Variants in HMGCLL1 observed in about 807,000 individuals in gnomAD.
HMGCLL1 encodes 3-hydroxymethyl-3-methylglutaryl-CoA lyase, cytoplasmic.
In HMGCLL1, 36 loss-of-function variants were observed where a neutral mutation model predicts 39.1. The observed-to-expected ratio is 0.92, with a 90% CI of 0.71 to 1.22. HMGCLL1 has a LOEUF of 1.22. Among genes scored for constraint, HMGCLL1 ranks in the 50% most tolerant of loss-of-function variants. The pLI is 0.00. For synonymous variants in HMGCLL1, 149 were observed against 144.0 expected (o/e 1.03, Z -0.25); for missense variants, 451 against 416.5 (o/e 1.08, Z -0.72).
intron 1 of HMGCLL1, among the ~76,000 whole-genome samples, chr6:55,568,173 T>G (rs749350352): frequency 6.6e-6 from 1 of 152,200 alleles, no homozygotes; most frequent in Non-Finnish European, 1.5e-5. Context: ...AAAATTGGCT[T>G]ATAAATATGG....
intron 7 of HMGCLL1, among the ~76,000 whole-genome samples, chr6:55,491,455 A>G (rs969038999): frequency 2.0e-5 from 3 of 152,186 alleles, no homozygotes; most frequent in Admixed American, 1.3e-4. Context: ...CATTATGAGA[A>G]AAGGCACATT....
At chr6:55,667,898 CT>C in the HMGCLL1 span, among the ~76,000 whole-genome samples, 115 of 147,856 alleles carry the variant, frequency 7.8e-4, no homozygotes, top group South Asian at 2.8e-3. Flanking sequence ...ATGCAACAGA[CT>C]TTTTTTTTTA....
At chr6:55,507,392 C>T (rs559885860) in intron 5 of HMGCLL1, among the ~76,000 whole-genome samples, 2 of 151,754 alleles carry the variant, frequency 1.3e-5, no homozygotes, top group East Asian at 3.9e-4. Context: ...TAAATGGGAC[C>T]TGCATGGCAG....
chr6:55,558,745 G>A (rs1247997024), intron 1 of HMGCLL1, among the ~76,000 whole-genome samples: 1 of 152,078 alleles, frequency 6.6e-6, no homozygotes, highest in Non-Finnish European at 1.5e-5. Flanking sequence ...TAAGCTCTGG[G>A]CAAACATGTG....
chr6:55,555,689 GA>G (rs1229591778), intron 1 of HMGCLL1, among the ~76,000 whole-genome samples: 2 of 152,198 alleles, frequency 1.3e-5, no homozygotes. Context: ...TTATGGCTTT[GA>G]AAACTAACAA....
intron 1 of HMGCLL1, among the ~76,000 whole-genome samples, chr6:55,543,481 T>TATC (rs1554156509): frequency 6.4e-3 from 78 of 12,234 alleles, no homozygotes; most frequent in African/African-American, 0.015. Context: ...ATATATAATA[T>TATC]ATATATGATA....
intron 5 of HMGCLL1, among the ~76,000 whole-genome samples, chr6:55,502,211 A>T (rs1432823774): frequency 2.0e-5 from 3 of 151,666 alleles, no homozygotes; most frequent in Admixed American, 6.6e-5. Context: ...TGAATATATT[A>T]TTTTACTGTC....
chr6:55,656,769 A>G, the HMGCLL1 span, among the ~76,000 whole-genome samples: 1 of 152,006 alleles, frequency 6.6e-6, no homozygotes, highest in Non-Finnish European at 1.5e-5. Context: ...TTCTGAACAT[A>G]GTAATAACAC....
At chr6:55,445,829 T>A (rs539610758) in intron 7 of HMGCLL1, among the ~76,000 whole-genome samples, 2 of 152,078 alleles carry the variant, frequency 1.3e-5, no homozygotes, top group Non-Finnish European at 2.9e-5. Context: ...GGTGGCAATA[T>A]AGCACCAAAA....
At chr6:55,553,928 A>G (rs992945321) in intron 1 of HMGCLL1, among the ~76,000 whole-genome samples, 5 of 152,180 alleles carry the variant, frequency 3.3e-5, no homozygotes, top group African/African-American at 1.2e-4. Context: ...CACTTTGGAG[A>G]CATTATCCCA....
At chr6:55,637,738 G>GTGTA in the HMGCLL1 span, among the ~76,000 whole-genome samples, 2 of 143,326 alleles carry the variant, frequency 1.4e-5, no homozygotes, top group African/African-American at 2.7e-5. Flanking sequence ...GTGTGTGTGT[G>GTGTA]TATGTGTCTG....
chr6:55,439,357 C>T, intron 8 of HMGCLL1, 77 bp downstream of exon 8: 1 of 1,422,196 alleles, frequency 7.0e-7, no homozygotes, highest in South Asian at 1.4e-5. Context: ...CTCAAAATTG[C>T]TTCCCACATC....
the HMGCLL1 span, among the ~76,000 whole-genome samples, chr6:55,678,609 A>G: frequency 1.3e-5 from 2 of 152,166 alleles, no homozygotes; most frequent in Non-Finnish European, 2.9e-5. Context: ...ATGTCACTGC[A>G]TTAGCTCAGC....
chr6:55,629,665 C>A, the HMGCLL1 span, among the ~76,000 whole-genome samples: 1 of 152,106 alleles, frequency 6.6e-6, no homozygotes, highest in Non-Finnish European at 1.5e-5. Context: ...GTTTCTTGGG[C>A]CAGGCCCAGG....
At chr6:55,616,072 C>G in the HMGCLL1 span, among the ~76,000 whole-genome samples, 2 of 151,966 alleles carry the variant, frequency 1.3e-5, no homozygotes. Context: ...CAGCCGGGAG[C>G]CATTCTGCAG....
chr6:55,500,276 G>A (rs747043463), intron 5 of HMGCLL1, among the ~76,000 whole-genome samples: 1 of 151,916 alleles, frequency 6.6e-6, no homozygotes, highest in African/African-American at 2.4e-5. Flanking sequence ...AAATTATTAC[G>A]TAAGGTAGTG....
intron 7 of HMGCLL1, among the ~76,000 whole-genome samples, chr6:55,446,312 TA>T (rs1276424772): frequency 2.0e-5 from 3 of 148,338 alleles, no homozygotes; most frequent in African/African-American, 7.3e-5. Flanking sequence ...ACATAATATA[TA>T]AATATATTTT....
the HMGCLL1 span, among the ~76,000 whole-genome samples, chr6:55,669,028 A>G: frequency 3.3e-5 from 5 of 151,670 alleles, no homozygotes; most frequent in Non-Finnish European, 7.4e-5. Flanking sequence ...GCACAGTAAT[A>G]GAAGTGGACA....
intron 1 of HMGCLL1, among the ~76,000 whole-genome samples, chr6:55,564,618 A>G (rs1225643030): frequency 6.6e-6 from 1 of 152,144 alleles, no homozygotes; most frequent in Non-Finnish European, 1.5e-5. Flanking sequence ...TTCATTATGT[A>G]TGTGAATTTT....
Sources: allele counts gnomAD v4.1 joint callset (sites outside exome capture counted in the v4.1 genomes callset), GRCh38; gene constraint gnomAD v4.1.1; transcripts MANE v1.5; gene names NCBI Gene and HGNC (gene_info 2026-07-23, HGNC 2026-07-21).